CHST9: variants seen among roughly 807,000 people sequenced by gnomAD.
CHST9 encodes the protein carbohydrate sulfotransferase 9.
In CHST9, 41 loss-of-function variants were observed where a neutral mutation model predicts 44.4. The observed-to-expected ratio is 0.92, with a 90% confidence interval of 0.72 to 1.20. The LOEUF is 1.20. Ranked by LOEUF, CHST9 falls within the 50% of genes most tolerant of loss-of-function variation. The probability of loss-of-function intolerance (pLI) is 0.00; values close to 1 mark genes in which losing one functional copy is unlikely to be tolerated. For synonymous variants in CHST9, 171 were observed against 178.4 expected (o/e 0.96, Z 0.33); for missense variants, 504 against 516.5 (o/e 0.98, Z 0.23).
intron 4 of CHST9, among the ~76,000 whole-genome samples, chr18:26,964,035 T>C (rs2056433550): frequency 1.3e-5 from 2 of 152,202 alleles, no homozygotes; most frequent in African/African-American, 4.8e-5. Context: ...TATAGTTTCA[T>C]AAGAAGAGCA....
At chr18:26,978,031 T>C (rs2056644672) in intron 4 of CHST9, among the ~76,000 whole-genome samples, 1 of 152,028 alleles carries the variant, frequency 6.6e-6, no homozygotes, top group Non-Finnish European at 1.5e-5. Flanking sequence ...GGCATGTGCA[T>C]GTGTAAGAAA....
intron 4 of CHST9, among the ~76,000 whole-genome samples, chr18:26,997,614 T>C (rs1024399224): frequency 2.0e-5 from 3 of 152,154 alleles, no homozygotes; most frequent in African/African-American, 7.2e-5. Flanking sequence ...AAACTTTTGA[T>C]AAGGAAAGGG....
At chr18:27,150,866 T>G (rs374794830) in intron 1 of CHST9, among the ~76,000 whole-genome samples, 1 of 152,204 alleles carries the variant, frequency 6.6e-6, no homozygotes, top group Non-Finnish European at 1.5e-5. Flanking sequence ...TGAAATTTAT[T>G]ATAAAGCACC....
At chr18:27,124,754 G>C (rs2058405829) in intron 2 of CHST9, among the ~76,000 whole-genome samples, 1 of 152,200 alleles carries the variant, frequency 6.6e-6, no homozygotes, top group Non-Finnish European at 1.5e-5. Context: ...CACTGGTTCA[G>C]TGAATAGAGT....
intron 2 of CHST9, among the ~76,000 whole-genome samples, chr18:27,089,153 T>A (rs777165061): frequency 9.2e-5 from 14 of 152,178 alleles, no homozygotes; most frequent in East Asian, 1.9e-4. Context: ...CATTTTTTTT[T>A]ATTATACTTT....
chr18:27,174,475 A>G (rs2058853738), intron 1 of CHST9, among the ~76,000 whole-genome samples: 1 of 152,028 alleles, frequency 6.6e-6, no homozygotes, highest in Admixed American at 6.6e-5. Flanking sequence ...AGTGATGTCA[A>G]GTCTGATCAT....
At chr18:27,114,065 G>A (rs73406613) in intron 2 of CHST9, among the ~76,000 whole-genome samples, 2 of 152,172 alleles carry the variant, frequency 1.3e-5, no homozygotes, top group Non-Finnish European at 2.9e-5. Context: ...TAAAGCTGAT[G>A]TAAATACAGC....
Position 27,091,651 on chromosome 18 carries a change from ATGAAGGGC to A in CHST9, c.122-43156_122-43149del, listed in dbSNP as rs1359046114. On this transcript the variant is annotated intron_variant, in intron 2 of 5. Coordinates refer to ENST00000618847, the MANE Select transcript of CHST9 (RefSeq NM_031422.6). ...ACTTAGTTTATTGAGAGTTTTTAGC[ATGAAGGGC>A]TGTTGAATTTTGTCAAAGGCCTTTT... Among the ~76,000 whole-genome samples the A allele has an allele frequency of 2.0e-5, 3 of 152,206 alleles. No individual in the cohort carries two copies. In the East Asian group the frequency reaches 5.8e-4, roughly 29 times the overall value.
intron 4 of CHST9, among the ~76,000 whole-genome samples, chr18:27,020,584 A>G (rs2057213020): frequency 6.6e-6 from 1 of 152,234 alleles, no homozygotes; most frequent in South Asian, 2.1e-4. Flanking sequence ...CATTATCTCC[A>G]AAGATCTTGA....
intron 4 of CHST9, among the ~76,000 whole-genome samples, chr18:26,976,361 T>G (rs2056623936): frequency 6.6e-6 from 1 of 152,096 alleles, no homozygotes; most frequent in Admixed American, 6.6e-5. Context: ...TTCTTTTAAC[T>G]AATTCTGTTC....
chr18:27,168,316 C>T (rs948447568), intron 1 of CHST9, among the ~76,000 whole-genome samples: 4 of 151,996 alleles, frequency 2.6e-5, no homozygotes, highest in Non-Finnish European at 5.9e-5. Flanking sequence ...CCTCGTGATC[C>T]GCCCGCCTCA....
intron 3 of CHST9, among the ~76,000 whole-genome samples, chr18:27,044,674 G>GT (rs953788144): frequency 6.0e-5 from 9 of 151,114 alleles, no homozygotes; most frequent in South Asian, 2.1e-4. Context: ...TGATTTTTAA[G>GT]TTTTTTTTTG....
chr18:27,051,690 T>C (rs2171102), intron 2 of CHST9, among the ~76,000 whole-genome samples: 101,920 of 152,058 alleles, frequency 0.67, 34,988 homozygotes, highest in Non-Finnish European at 0.76. Context: ...TGACTGTAAT[T>C]TTGAGAAAGC....
intron 4 of CHST9, among the ~76,000 whole-genome samples, chr18:26,963,968 A>T (rs553951337): frequency 6.6e-6 from 1 of 152,364 alleles, no homozygotes; most frequent in African/African-American, 2.4e-5. Flanking sequence ...TAAGAAGGAA[A>T]GAAAAAGTGA....
chr18:27,075,034 A>G (rs9635978), intron 2 of CHST9, among the ~76,000 whole-genome samples: 44,853 of 150,834 alleles, frequency 0.3, 7,543 homozygotes, highest in Non-Finnish European at 0.38. Context: ...TGTAAAAGCT[A>G]GGAAATAGAG....
At chr18:26,978,253 T>C (rs1385801768) in intron 4 of CHST9, among the ~76,000 whole-genome samples, 3 of 149,656 alleles carry the variant, frequency 2.0e-5, no homozygotes, top group African/African-American at 7.4e-5. Context: ...GTTTCTTTTC[T>C]CTTTTTCTGA....
chr18:27,044,065 C>CT (rs932499094), intron 3 of CHST9, among the ~76,000 whole-genome samples: 3 of 149,302 alleles, frequency 2.0e-5, no homozygotes, highest in Non-Finnish European at 4.5e-5. Flanking sequence ...GCCCTTCCCC[C>CT]CCCTTTATTT....
intron 1 of CHST9, among the ~76,000 whole-genome samples, chr18:27,154,144 A>T (rs2058680672): frequency 1.3e-5 from 2 of 152,142 alleles, no homozygotes; most frequent in Non-Finnish European, 2.9e-5. Flanking sequence ...ATAGTGAGGG[A>T]ACTAAAAATA....
At chr18:27,091,236 GCTCT>G (rs2058065810) in intron 2 of CHST9, among the ~76,000 whole-genome samples, 1 of 152,020 alleles carries the variant, frequency 6.6e-6, no homozygotes, top group Admixed American at 6.6e-5. Flanking sequence ...TCATGATTTG[GCTCT>G]CTGTTTGTCT....
Sources: gnomAD v4.1 joint callset for allele counts (sites outside exome capture counted in the v4.1 genomes callset) on GRCh38, gnomAD v4.1.1 for gene constraint, MANE v1.5 for transcripts, NCBI Gene and HGNC (gene_info 2026-07-23, HGNC 2026-07-21) for gene names.